PRDM16: variants seen among roughly 807,000 people sequenced by gnomAD.
The protein encoded by PRDM16 is histone-lysine N-methyltransferase PRDM16.
Under a neutral mutation model 110.6 loss-of-function variants are expected in PRDM16, and 23 were observed. The ratio of observed to expected loss-of-function variants is 0.21; its 90% CI spans 0.15 to 0.29. The LOEUF (loss-of-function observed/expected upper bound fraction) is 0.29, where lower values mean the gene tolerates loss of function less well. Among genes scored for constraint, PRDM16 ranks in the 10% least tolerant of loss-of-function variants. PRDM16 has a pLI of 1.00. For missense variants in PRDM16, 1,615 were observed against 1,794.3 expected, an observed-to-expected ratio of 0.90 and a Z score of 1.81; for synonymous variants, 799 against 781.8, an observed-to-expected ratio of 1.02 and a Z score of -0.37.
At chr1:3,200,033 T>A (rs1323562399) in intron 2 of PRDM16, among the ~76,000 whole-genome samples, 1 of 152,248 alleles carries the variant, frequency 6.6e-6, no homozygotes, top group East Asian at 1.9e-4. Context: ...CTGGTGCACA[T>A]GGGTGAATGC....
intron 1 of PRDM16, among the ~76,000 whole-genome samples, chr1:3,103,973 A>T (rs931530100): frequency 1.3e-5 from 2 of 152,242 alleles, no homozygotes; most frequent in Non-Finnish European, 2.9e-5. Context: ...TCAAACCTAT[A>T]CAATTTTTTA....
At chr1:3,086,758 C>T (rs868118909) in intron 1 of PRDM16, among the ~76,000 whole-genome samples, 7 of 152,152 alleles carry the variant, frequency 4.6e-5, no homozygotes, top group South Asian at 4.1e-4. Flanking sequence ...CGTCGTCTGC[C>T]GGGGCTTGCT....
chr1:3,164,809 C>T (rs747746573), intron 1 of PRDM16, among the ~76,000 whole-genome samples: 8 of 152,218 alleles, frequency 5.3e-5, no homozygotes, highest in Non-Finnish European at 1.2e-4. Flanking sequence ...AAATGGAGGT[C>T]GCAGTGCTCC....
At chr1:3,365,860 G>C (rs935876719) in intron 3 of PRDM16, among the ~76,000 whole-genome samples, 6 of 152,214 alleles carry the variant, frequency 3.9e-5, no homozygotes, top group Non-Finnish European at 8.8e-5. Flanking sequence ...GACTTTGAAG[G>C]CTGTCAGCTG....
At chr1:3,089,643 C>T (rs1205874991) in intron 1 of PRDM16, among the ~76,000 whole-genome samples, 3 of 152,268 alleles carry the variant, frequency 2.0e-5, no homozygotes, top group Non-Finnish European at 4.4e-5. Flanking sequence ...CCGTGTGACT[C>T]GCTCTGGGGC....
intron 3 of PRDM16, among the ~76,000 whole-genome samples, chr1:3,342,107 G>C (rs967501480): frequency 6.6e-6 from 1 of 152,160 alleles, no homozygotes; most frequent in Admixed American, 6.5e-5. Context: ...CAGGGTGCAC[G>C]ATGGCCTCTG....
chr1:3,114,479 GAC>G (rs772507444), intron 1 of PRDM16, among the ~76,000 whole-genome samples: 5 of 133,476 alleles, frequency 3.7e-5, no homozygotes, highest in Non-Finnish European at 7.9e-5. Flanking sequence ...AGTGTAAACA[GAC>G]ACGCACGCAC....
intron 2 of PRDM16, among the ~76,000 whole-genome samples, chr1:3,240,195 A>C (rs555098513): frequency 2.0e-5 from 3 of 151,786 alleles, no homozygotes; most frequent in Non-Finnish European, 4.4e-5. Context: ...GAACTTTGGG[A>C]GGATTGCTGG....
chr1:3,374,610 G>A lies in PRDM16; in HGVS notation c.439-10542G>A, dbSNP rs189873824. ...TGTGCGACTGTGGCCTTTCTCCTGG[G>A]GGCCGCTGTGCACATCTGAGACCCT... On this transcript the variant is annotated intron_variant, in intron 3 of 16. Transcript: ENST00000270722. Among the ~76,000 whole-genome samples, 654 of 152,270 alleles carry A rather than the reference G, an allele frequency of 4.3e-3. 2 individuals carry two copies. Among genetic ancestry groups the A allele is most frequent in the Middle Eastern group, 0.02 (6 of 294 alleles).
At chr1:3,279,460 G>A (rs1239927544) in intron 3 of PRDM16, among the ~76,000 whole-genome samples, 5 of 152,240 alleles carry the variant, frequency 3.3e-5, no homozygotes, top group South Asian at 2.1e-4. Flanking sequence ...TGCCCTGCCC[G>A]GCGGCGTCAG....
At chr1:3,399,531 G>A (rs892121394) in intron 5 of PRDM16, among the ~76,000 whole-genome samples, 1 of 152,100 alleles carries the variant, frequency 6.6e-6, no homozygotes, top group Non-Finnish European at 1.5e-5. Flanking sequence ...TCCTGTACCC[G>A]GCTCTGTCCT....
At chr1:3,385,776 C>A (rs1643185431) in intron 4 of PRDM16, among the ~76,000 whole-genome samples, 2 of 152,234 alleles carry the variant, frequency 1.3e-5, no homozygotes, top group African/African-American at 4.8e-5. Flanking sequence ...CTCTGACCAG[C>A]CTGCTGAAGG....
At chr1:3,252,076 G>A (rs1215977783) in intron 3 of PRDM16, among the ~76,000 whole-genome samples, 1 of 152,196 alleles carries the variant, frequency 6.6e-6, no homozygotes, top group Non-Finnish European at 1.5e-5. Flanking sequence ...GTGTAAAAGA[G>A]GGCAACTCTC....
chr1:3,233,921 A>G (rs1260463326), intron 2 of PRDM16, among the ~76,000 whole-genome samples: 1 of 150,264 alleles, frequency 6.7e-6, no homozygotes, highest in Non-Finnish European at 1.5e-5. Context: ...GGGAAATTCT[A>G]TGAACTCTGG....
chr1:3,360,060 A>G (rs571020609), intron 3 of PRDM16, among the ~76,000 whole-genome samples: 2 of 142,132 alleles, frequency 1.4e-5, no homozygotes, highest in South Asian at 4.1e-4. Flanking sequence ...CCCAACTGTC[A>G]CATCTCTGAA....
At chr1:3,404,688 G>C (rs746498323) in intron 6 of PRDM16, 51 bp from the exon 7 acceptor site, 51 of 1,605,648 alleles carry the variant, frequency 3.2e-5, no homozygotes, top group Middle Eastern at 1.7e-4. Context: ...GTCCCCTCCC[G>C]GGCAGAGGGC....
intron 3 of PRDM16, among the ~76,000 whole-genome samples, chr1:3,279,307 G>A (rs1640658388): frequency 6.6e-6 from 1 of 152,234 alleles, no homozygotes; most frequent in Non-Finnish European, 1.5e-5. Context: ...GGCCGCCTCT[G>A]CAGCGGGGCA....
intron 1 of PRDM16, among the ~76,000 whole-genome samples, chr1:3,088,166 C>T (rs563882193): frequency 6.6e-6 from 1 of 152,266 alleles, no homozygotes; most frequent in African/African-American, 2.4e-5. Context: ...CTTGCACACA[C>T]AGGAGTTTTG....
chr1:3,288,021 C>A (rs1262267651), intron 3 of PRDM16, among the ~76,000 whole-genome samples: 1 of 152,256 alleles, frequency 6.6e-6, no homozygotes, highest in Non-Finnish European at 1.5e-5. Flanking sequence ...TGGGCGGAGG[C>A]CCTGACCAAG....
Sources: allele counts gnomAD v4.1 joint callset (sites outside exome capture counted in the v4.1 genomes callset), GRCh38; gene constraint gnomAD v4.1.1; transcripts MANE v1.5; gene names NCBI Gene and HGNC (gene_info 2026-07-23, HGNC 2026-07-21).